Variants in FRAS1 observed in about 807,000 individuals in gnomAD.
FRAS1 encodes Fraser extracellular matrix complex subunit 1.
FRAS1 carries 290 observed loss-of-function variants against 435.2 expected under a neutral mutation model. The ratio of observed to expected loss-of-function variants is 0.67; its 90% CI spans 0.61 to 0.73. The LOEUF is 0.73. Ranked by LOEUF, FRAS1 falls within the 30% of genes least tolerant of loss-of-function variation. FRAS1 has a pLI of 0.00. For synonymous variants in FRAS1, 1,800 were observed against 1,851.0 expected, an observed-to-expected ratio of 0.97 and a Z score of 0.71; for missense variants, 4,860 against 5,001.5, an observed-to-expected ratio of 0.97 and a Z score of 0.85.
chr4:78,518,095 C>T (rs1182478428), intron 66 of FRAS1, among the ~76,000 whole-genome samples: 1 of 150,222 alleles, frequency 6.7e-6, no homozygotes, highest in African/African-American at 2.5e-5. Context: ...CTAGTCTGGG[C>T]TACAGAGAGA....
chr4:78,455,425 G>GGT (rs1553962064), intron 47 of FRAS1, among the ~76,000 whole-genome samples: 2 of 151,812 alleles, frequency 1.3e-5, no homozygotes, highest in Non-Finnish European at 2.9e-5. Flanking sequence ...TGAGGAGGGA[G>GGT]GGGGTTCTGT....
Position 78,333,556 on chromosome 4 carries a change from T to C in FRAS1, c.2278+144T>C, listed in dbSNP as rs907149337. The C allele has an allele frequency of 3.7e-6, 3 of 812,154 alleles. No individual in the cohort carries two copies. In the African/African-American group the frequency reaches 5.4e-5, roughly 15 times the overall value. The allele number at this position is 812,154 out of a possible 1,614,324, so 50.3% of individuals were successfully genotyped here. ...TTGTCTTGAACTTGCAGATTCAAAG[T>C]ATAGAGGGAGGGGAACAAGTGAAAT... On this transcript the variant is annotated intron_variant, in intron 19 of 73. Coordinates refer to ENST00000512123, the MANE Select transcript of FRAS1 (RefSeq NM_025074.7).
chr4:78,123,258 G>A (rs1274760488), intron 2 of FRAS1, among the ~76,000 whole-genome samples: 1 of 152,144 alleles, frequency 6.6e-6, no homozygotes, highest in Admixed American at 6.5e-5. Flanking sequence ...GCTTTTATGT[G>A]TCAGGTTTGT....
intron 2 of FRAS1, among the ~76,000 whole-genome samples, chr4:78,089,899 C>T (rs1741421761): frequency 6.6e-6 from 1 of 152,098 alleles, no homozygotes; most frequent in Admixed American, 6.6e-5. Context: ...TTCTGCTCCT[C>T]TCCCTCCTCC....
Position 78,118,768 on chromosome 4 carries a change from G to A in FRAS1, c.108+52752G>A, listed in dbSNP as rs113459357. Reference sequence around the variant, plus strand: ...AATTCCCTGACCCCTTGCCCTTCCCGGGTGAGGCAATGCCTCACCCTCCTT... The same window carrying A: ...AATTCCCTGACCCCTTGCCCTTCCCAGGTGAGGCAATGCCTCACCCTCCTT... On this transcript the variant is annotated intron_variant, in intron 2 of 73. Coordinates refer to ENST00000512123, the MANE Select transcript of FRAS1 (RefSeq NM_025074.7). Among the ~76,000 whole-genome samples the A allele has an allele frequency of 3.9e-5, 6 of 152,138 alleles. 1 individual carries two copies. The South Asian group carries it at 8.3e-4, about 21-fold the overall frequency.
intron 15 of FRAS1, 100 bp from the exon 16 acceptor site, chr4:78,315,494 T>C (rs1259435228): frequency 8.2e-7 from 1 of 1,226,112 alleles, no homozygotes; most frequent in African/African-American, 1.5e-5. Context: ...AAAATGAGAT[T>C]ATGATATTGA....
chr4:78,366,832 G>C (rs1008254096), intron 22 of FRAS1, among the ~76,000 whole-genome samples: 1 of 152,162 alleles, frequency 6.6e-6, no homozygotes, highest in Non-Finnish European at 1.5e-5. Flanking sequence ...TGTGGGGTCT[G>C]AATGTAATAC....
At chr4:78,391,469 T>C (rs1732439356) in intron 29 of FRAS1, among the ~76,000 whole-genome samples, 1 of 152,212 alleles carries the variant, frequency 6.6e-6, no homozygotes. Context: ...CTAAAGCAAT[T>C]TGACATTTAA....
intron 58 of FRAS1, among the ~76,000 whole-genome samples, chr4:78,483,767 ACTCTC>A (rs1408998917): frequency 3.6e-5 from 4 of 110,338 alleles, no homozygotes; most frequent in African/African-American, 1.3e-4. Flanking sequence ...GAAAAAAAAA[ACTCTC>A]TCTCTCTCTC....
At chr4:78,276,195 T>C (rs566605456) in intron 9 of FRAS1, among the ~76,000 whole-genome samples, 1 of 152,318 alleles carries the variant, frequency 6.6e-6, no homozygotes, top group South Asian at 2.1e-4. Context: ...TCTACACTGG[T>C]TGTTCTGGTT....
At chr4:78,369,395 A>G (rs1223185644) in intron 22 of FRAS1, among the ~76,000 whole-genome samples, 2 of 152,208 alleles carry the variant, frequency 1.3e-5, no homozygotes, top group African/African-American at 2.4e-5. Flanking sequence ...AGTCCTTTGT[A>G]TCTTAAAGTA....
chr4:78,382,110 C>A (rs563641155), intron 27 of FRAS1, among the ~76,000 whole-genome samples: 4 of 152,210 alleles, frequency 2.6e-5, no homozygotes, highest in South Asian at 4.2e-4. Context: ...GAGTAAAAGA[C>A]AACTTATAAG....
chr4:78,287,895 A>C (rs958112673), intron 14 of FRAS1, among the ~76,000 whole-genome samples: 2 of 152,174 alleles, frequency 1.3e-5, no homozygotes, highest in Admixed American at 6.5e-5. Context: ...GCCATGTTAT[A>C]GAATATGGAA....
intron 2 of FRAS1, among the ~76,000 whole-genome samples, chr4:78,199,494 C>T (rs1167130516): frequency 2.6e-5 from 4 of 152,092 alleles, no homozygotes; most frequent in Non-Finnish European, 4.4e-5. Flanking sequence ...TAATGTAAGG[C>T]ATTTGTCTAC....
At chr4:78,199,628 T>C (rs1213091409) in intron 2 of FRAS1, among the ~76,000 whole-genome samples, 1 of 152,258 alleles carries the variant, frequency 6.6e-6, no homozygotes, top group Admixed American at 6.5e-5. Context: ...TTATCTTTTT[T>C]GGCCTTAACT....
intron 2 of FRAS1, among the ~76,000 whole-genome samples, chr4:78,117,031 G>A (rs1383325319): frequency 1.3e-5 from 2 of 152,130 alleles, no homozygotes; most frequent in Non-Finnish European, 2.9e-5. Flanking sequence ...GCCTGGTGGC[G>A]ACAAAATCTC....
At chr4:78,523,718 T>C (rs985511762) in intron 69 of FRAS1, among the ~76,000 whole-genome samples, 2 of 152,214 alleles carry the variant, frequency 1.3e-5, no homozygotes, top group Non-Finnish European at 2.9e-5. Context: ...GAAATTGATA[T>C]CTAATAACCT....
Position 78,429,219 on chromosome 4 carries a change from T to C in FRAS1, c.4836T>C (p.Thr1612=). 1 of 1,607,130 alleles carries C rather than the reference T, an allele frequency of 6.2e-7. No individual in the cohort carries two copies. The highest frequency in any genetic ancestry group is 8.5e-7 in the Non-Finnish European group (1 of 1,177,040). Residue 1612 remains threonine, a synonymous_variant, in exon 36 of 74, where the codon ACT becomes ACC. Coordinates refer to ENST00000512123, the MANE Select transcript of FRAS1 (RefSeq NM_025074.7). ...PRLAVSPGGS[T]SVGLQVVVRD... is the part of the protein sequence containing the mutation. Reference sequence around the variant, plus strand: ...TGGCGGTCAGCCCAGGAGGCAGCACTTCTGTAGGTAAGAACTGGGAGCCTG... The same window carrying C: ...TGGCGGTCAGCCCAGGAGGCAGCACCTCTGTAGGTAAGAACTGGGAGCCTG...
chr4:78,114,504 A>G (rs140774565), intron 2 of FRAS1, among the ~76,000 whole-genome samples: 32,875 of 150,912 alleles, frequency 0.22, 3,909 homozygotes, highest in Admixed American at 0.29. Context: ...CTTTTATTTC[A>G]TTGAGCAGTG....
Sources: gnomAD v4.1 joint callset for allele counts (sites outside exome capture counted in the v4.1 genomes callset) on GRCh38, gnomAD v4.1.1 for gene constraint, MANE v1.5 for transcripts, NCBI Gene and HGNC (gene_info 2026-07-23, HGNC 2026-07-21) for gene names.